EEPD1: variants seen among roughly 807,000 people sequenced by gnomAD.
The protein encoded by EEPD1 is endonuclease/exonuclease/phosphatase family domain containing 1, also known as endonuclease/exonuclease/phosphatase family domain-containing protein 1.
A neutral mutation model predicts 46.3 loss-of-function variants in EEPD1; 17 were observed. The ratio of observed to expected loss-of-function variants is 0.37; its 90% CI spans 0.25 to 0.55. EEPD1 has a LOEUF of 0.55. EEPD1 is among the 20% of genes least tolerant of loss of function. EEPD1 has a pLI of 0.83. For missense variants in EEPD1, 673 were observed against 745.6 expected (o/e 0.90, Z 1.13); for synonymous variants, 313 against 315.6 (o/e 0.99, Z 0.09).
chr7:36,241,877 C>A (rs993654635), intron 3 of EEPD1, among the ~76,000 whole-genome samples: 2 of 152,152 alleles, frequency 1.3e-5, no homozygotes, highest in South Asian at 2.1e-4. Flanking sequence ...CAGAAAAAAA[C>A]CCAAAAATAA....
At chr7:36,277,996 G>A (rs1787206818) in intron 3 of EEPD1, among the ~76,000 whole-genome samples, 3 of 152,168 alleles carry the variant, frequency 2.0e-5, no homozygotes, top group Admixed American at 2.0e-4. Flanking sequence ...AAATGAGAAT[G>A]TCTTTTCTTC....
chr7:36,296,311 CT>C (rs969116918), intron 6 of EEPD1, among the ~76,000 whole-genome samples: 13 of 152,162 alleles, frequency 8.5e-5, no homozygotes, highest in African/African-American at 2.4e-4. Flanking sequence ...TCTTTAACAT[CT>C]GGCTTCTTGA....
At chr7:36,288,588 C>T (rs1283654160) in intron 6 of EEPD1, among the ~76,000 whole-genome samples, 3 of 151,970 alleles carry the variant, frequency 2.0e-5, no homozygotes, top group Non-Finnish European at 4.4e-5. Context: ...TAGTGAGACC[C>T]TGTCTCTACA....
intron 2 of EEPD1, among the ~76,000 whole-genome samples, chr7:36,178,058 G>A (rs1048668528): frequency 2.6e-5 from 4 of 152,180 alleles, no homozygotes; most frequent in African/African-American, 4.8e-5. Flanking sequence ...TGCTTCAAGT[G>A]TCTGACTTAA....
At chr7:36,287,529 G>A in intron 5 of EEPD1, 110 bp from the exon 6 acceptor site, 1 of 1,469,910 alleles carries the variant, frequency 6.8e-7, no homozygotes, top group Non-Finnish European at 9.1e-7. Context: ...CCTTGTTCTT[G>A]TTTACCATTG....
At chr7:36,223,676 T>C (rs553917004) in intron 2 of EEPD1, among the ~76,000 whole-genome samples, 30 of 152,204 alleles carry the variant, frequency 2.0e-4, no homozygotes, top group Non-Finnish European at 1.2e-4. Context: ...ACTTCATTGC[T>C]CTGAAGCTGT....
intron 5 of EEPD1, 160 bp from the exon 6 acceptor site, chr7:36,287,479 G>A (rs1442494103): frequency 1.2e-5 from 14 of 1,137,864 alleles, no homozygotes; most frequent in Non-Finnish European, 1.7e-5. Flanking sequence ...AAAAATCGAA[G>A]ATGAAAGACC....
In EEPD1 at chr7:36,236,948, GGCTGTGGAA is replaced by G. The variant is rs1786458498; in HGVS notation, c.879-2033_879-2025del. On this transcript the variant is annotated intron_variant, in intron 2 of 7. Transcript: ENST00000242108. ...GGCAACCCGCTCGCCTACCATACCAGGCTGTGGAAGCTTCGTTCTTTTGCTCTTCGCAAT... is the reference window on the plus strand; with the variant it reads ...GGCAACCCGCTCGCCTACCATACCAGGCTTCGTTCTTTTGCTCTTCGCAAT... Among the ~76,000 whole-genome samples the G allele has an allele frequency of 2.0e-5, 3 of 152,192 alleles. No homozygotes were observed. In the South Asian group the frequency reaches 6.2e-4, roughly 31 times the overall value.
At chr7:36,163,065 C>G (rs1784926506) in intron 2 of EEPD1, among the ~76,000 whole-genome samples, 1 of 151,814 alleles carries the variant, frequency 6.6e-6, no homozygotes, top group Admixed American at 6.6e-5. Context: ...AAACACTTCT[C>G]TAGAGTATAT....
chr7:36,191,128 G>GTGCCC (rs1323382884), intron 2 of EEPD1, among the ~76,000 whole-genome samples: 4 of 152,240 alleles, frequency 2.6e-5, no homozygotes, highest in African/African-American at 9.6e-5. Context: ...GTCATGAAGT[G>GTGCCC]TGCCCCATTT....
At chr7:36,269,187 C>T (rs554390513) in intron 3 of EEPD1, among the ~76,000 whole-genome samples, 17 of 152,242 alleles carry the variant, frequency 1.1e-4, no homozygotes, top group East Asian at 3.9e-4. Context: ...GGACTTCACG[C>T]GCTCCTCAAG....
chr7:36,296,994 A>G lies in EEPD1; in HGVS notation c.1317A>G (p.Gly439=), dbSNP rs1398643622. 6.2e-7 allele frequency: 1 copy of G among 1,613,370 alleles called. No individual in the cohort carries two copies. The highest frequency in any genetic ancestry group is 8.5e-7 in the Non-Finnish European group (1 of 1,179,500). Reference sequence around the variant, plus strand: ...TCATTTTCTTCCTTCCACTTCCAGGAGAAAAGGATGTCATTATCTTAGGGG... The same window carrying G: ...TCATTTTCTTCCTTCCACTTCCAGGGGAAAAGGATGTCATTATCTTAGGGG... ...FAQTLQETLK[G]EKDVIILGDF... Residue 439 remains glycine, a splice_region_variant and synonymous_variant, in exon 7 of 8, where the codon GGA becomes GGG. Coordinates refer to ENST00000242108, the MANE Select transcript of EEPD1 (RefSeq NM_030636.3).
intron 5 of EEPD1, 152 bp downstream of exon 5, chr7:36,284,972 G>A: frequency 8.8e-7 from 1 of 1,135,258 alleles, no homozygotes; most frequent in Non-Finnish European, 1.2e-6. Flanking sequence ...CTCTCCTGGG[G>A]CTTCCTTGGC....
chr7:36,159,265 C>T (rs1784868119), intron 2 of EEPD1, among the ~76,000 whole-genome samples: 1 of 152,174 alleles, frequency 6.6e-6, no homozygotes, highest in East Asian at 1.9e-4. Context: ...GTGGCCCAGC[C>T]TCAAAACAGT....
chr7:36,235,110 C>T (rs1786410513), intron 2 of EEPD1, among the ~76,000 whole-genome samples: 1 of 149,918 alleles, frequency 6.7e-6, no homozygotes, highest in South Asian at 2.1e-4. Context: ...CAGGCCTTCC[C>T]CACAGCCTCC....
intron 3 of EEPD1, among the ~76,000 whole-genome samples, chr7:36,276,096 G>A (rs1787179085): frequency 6.6e-6 from 1 of 152,182 alleles, no homozygotes; most frequent in African/African-American, 2.4e-5. Context: ...AATAGGGGCT[G>A]GGTAACCTAC....
intron 2 of EEPD1, among the ~76,000 whole-genome samples, chr7:36,237,544 A>C (rs933907773): frequency 6.6e-6 from 1 of 152,238 alleles, no homozygotes; most frequent in Non-Finnish European, 1.5e-5. Context: ...GTTACCGGAA[A>C]GGGGTCCCCA....
intron 2 of EEPD1, among the ~76,000 whole-genome samples, chr7:36,203,439 C>G (rs1381926472): frequency 6.6e-6 from 1 of 152,188 alleles, no homozygotes; most frequent in Non-Finnish European, 1.5e-5. Flanking sequence ...AACACCTGCC[C>G]GGTTTAGTTT....
At chr7:36,269,212 A>G (rs1353465994) in intron 3 of EEPD1, among the ~76,000 whole-genome samples, 1 of 152,216 alleles carries the variant, frequency 6.6e-6, no homozygotes, top group Non-Finnish European at 1.5e-5. Flanking sequence ...TAACAAATAC[A>G]GGTTGATGTC....
Sources: gnomAD v4.1 joint callset for allele counts (sites outside exome capture counted in the v4.1 genomes callset) on GRCh38, gnomAD v4.1.1 for gene constraint, MANE v1.5 for transcripts, NCBI Gene and HGNC (gene_info 2026-07-23, HGNC 2026-07-21) for gene names.